The following SAMD5 variants were observed in gnomAD, a reference collection of about 807,000 sequenced individuals.
SAMD5 encodes sterile alpha motif domain-containing protein 5.
SAMD5 carries 13 observed loss-of-function variants against 11.3 expected under a neutral mutation model. The ratio of observed to expected loss-of-function variants is 1.15; its 90% CI spans 0.75 to 1.83. SAMD5 has a LOEUF of 1.83. Ranked by LOEUF, SAMD5 falls within the 40% of genes most tolerant of loss-of-function variation. SAMD5 has a pLI of 0.00. For synonymous variants in SAMD5, 129 were observed against 111.3 expected, an observed-to-expected ratio of 1.16 and a Z score of -1.00; for missense variants, 255 against 239.1, an observed-to-expected ratio of 1.07 and a Z score of -0.44.
At chr6:147,551,812 T>TTATATATATA (rs10691979) in intron 1 of SAMD5, among the ~76,000 whole-genome samples, 5,306 of 98,698 alleles carry the variant, frequency 0.054, 142 homozygotes, top group East Asian at 0.13. Flanking sequence ...TATATATATG[T>TTATATATATA]TATATATATA....
chr6:147,676,065 T>G (rs1479899542), intron 1 of SAMD5: 1 of 152,210 alleles, frequency 6.6e-6, no homozygotes, highest in Non-Finnish European at 1.5e-5. Flanking sequence ...GTTTGTCATC[T>G]TTCACTCAGT....
At chr6:147,617,057 T>C (rs932502529) in intron 1 of SAMD5, among the ~76,000 whole-genome samples, 2 of 152,194 alleles carry the variant, frequency 1.3e-5, no homozygotes, top group Non-Finnish European at 2.9e-5. Flanking sequence ...CTTGGTAATT[T>C]AATTATTGAG....
At chr6:147,559,841 G>A (rs532631026) in intron 1 of SAMD5, among the ~76,000 whole-genome samples, 42 of 152,352 alleles carry the variant, frequency 2.8e-4, no homozygotes, top group Non-Finnish European at 5.4e-4. Flanking sequence ...GTGTATGCCA[G>A]CTATTTGTAT....
the SAMD5 span, among the ~76,000 whole-genome samples, chr6:147,791,178 C>T: frequency 1.3e-5 from 2 of 151,876 alleles, no homozygotes; most frequent in African/African-American, 4.8e-5. Context: ...ACTTGTAATC[C>T]CAGCTACTTG....
intron 1 of SAMD5, among the ~76,000 whole-genome samples, chr6:147,631,962 A>G (rs918561734): frequency 4.6e-5 from 7 of 152,208 alleles, no homozygotes; most frequent in African/African-American, 1.7e-4. Flanking sequence ...TGATGACAGA[A>G]TAGAATGGGG....
chr6:147,838,946 AGGCCATCTGG>A, the SAMD5 span, among the ~76,000 whole-genome samples: 1 of 152,238 alleles, frequency 6.6e-6, no homozygotes, highest in East Asian at 1.9e-4. Flanking sequence ...GTCAAAGGCA[AGGCCATCTGG>A]GGCCTGGAAT....
chr6:147,627,530 C>A (rs1790073531), intron 1 of SAMD5, among the ~76,000 whole-genome samples: 1 of 152,064 alleles, frequency 6.6e-6, no homozygotes, highest in Non-Finnish European at 1.5e-5. Flanking sequence ...TTTTGATTGC[C>A]TCTGTACCTC....
chr6:147,882,444 G>T, the SAMD5 span, among the ~76,000 whole-genome samples: 1 of 152,102 alleles, frequency 6.6e-6, no homozygotes, highest in Non-Finnish European at 1.5e-5. Flanking sequence ...GCCAGATGTG[G>T]TGATGCACAC....
chr6:147,705,301 C>G (rs1791310523), intron 1 of SAMD5, among the ~76,000 whole-genome samples: 1 of 152,048 alleles, frequency 6.6e-6, no homozygotes, highest in Non-Finnish European at 1.5e-5. Flanking sequence ...ATAAAGTTAA[C>G]TATATACTTT....
chr6:147,856,431 G>T, the SAMD5 span, among the ~76,000 whole-genome samples: 1 of 152,160 alleles, frequency 6.6e-6, no homozygotes, highest in African/African-American at 2.4e-5. Context: ...AATATGTGCA[G>T]TTTGGCATAC....
chr6:147,920,112 G>T, the SAMD5 span, among the ~76,000 whole-genome samples: 1 of 152,214 alleles, frequency 6.6e-6, no homozygotes, highest in Non-Finnish European at 1.5e-5. Context: ...TATTGTTCCT[G>T]TGTGTGTCTG....
the SAMD5 span, among the ~76,000 whole-genome samples, chr6:147,866,734 A>G: frequency 2.9e-4 from 44 of 152,210 alleles, 1 homozygote; most frequent in South Asian, 2.1e-4. Context: ...CCCACTGTAT[A>G]TAACTAGAGG....
intron 1 of SAMD5, among the ~76,000 whole-genome samples, chr6:147,588,277 T>C (rs1402421734): frequency 6.6e-6 from 1 of 150,454 alleles, no homozygotes; most frequent in Non-Finnish European, 1.5e-5. Flanking sequence ...ACAATATGAA[T>C]AATATCGGCC....
the SAMD5 span, among the ~76,000 whole-genome samples, chr6:147,758,998 C>A: frequency 1.3e-5 from 2 of 152,082 alleles, no homozygotes; most frequent in Non-Finnish European, 1.5e-5. Context: ...CCTAAACAAA[C>A]AACAAAACCT....
intron 1 of SAMD5, among the ~76,000 whole-genome samples, chr6:147,614,666 T>G (rs1157207803): frequency 6.6e-6 from 1 of 151,724 alleles, no homozygotes; most frequent in East Asian, 1.9e-4. Flanking sequence ...TACCGGAGAT[T>G]TGGGGTGGGG....
the SAMD5 span, among the ~76,000 whole-genome samples, chr6:147,837,104 G>C: frequency 6.6e-6 from 1 of 152,170 alleles, no homozygotes; most frequent in Non-Finnish European, 1.5e-5. Flanking sequence ...GTTAGCAAGA[G>C]TATTGTCTCG....
chr6:147,734,235 G>T (rs898367318), intron 1 of SAMD5, among the ~76,000 whole-genome samples: 1 of 152,176 alleles, frequency 6.6e-6, no homozygotes, highest in African/African-American at 2.4e-5. Context: ...TGGAAGAAAT[G>T]ATTAGTGAGG....
At chr6:147,752,449 G>A in the SAMD5 span, among the ~76,000 whole-genome samples, 1 of 152,172 alleles carries the variant, frequency 6.6e-6, no homozygotes, top group East Asian at 1.9e-4. Flanking sequence ...GAAATTTTTG[G>A]AAAGCAGAAA....
intron 1 of SAMD5, among the ~76,000 whole-genome samples, chr6:147,698,736 G>A (rs1359578812): frequency 2.0e-5 from 3 of 152,140 alleles, no homozygotes; most frequent in African/African-American, 7.2e-5. Flanking sequence ...ATATTCTACT[G>A]GAAACAGACA....
Sources: allele counts gnomAD v4.1 joint callset (sites outside exome capture counted in the v4.1 genomes callset), GRCh38; gene constraint gnomAD v4.1.1; transcripts MANE v1.5; gene names NCBI Gene and HGNC (gene_info 2026-07-23, HGNC 2026-07-21).